The following CEMIP2 variants were observed in gnomAD, a reference collection of about 807,000 sequenced individuals.
CEMIP2 encodes the protein cell migration inducing hyaluronidase 2.
A neutral mutation model predicts 146.9 loss-of-function variants in CEMIP2; 79 were observed. That is an observed-to-expected ratio of 0.54 (90% confidence interval 0.45 to 0.65). The LOEUF (loss-of-function observed/expected upper bound fraction) is 0.65, where lower values mean the gene tolerates loss of function less well. Ranked by LOEUF, CEMIP2 falls within the 30% of genes least tolerant of loss-of-function variation. CEMIP2 has a pLI of 0.00. For missense variants in CEMIP2, 1,596 were observed against 1,696.2 expected, an observed-to-expected ratio of 0.94 and a Z score of 1.04; for synonymous variants, 601 against 606.3, an observed-to-expected ratio of 0.99 and a Z score of 0.13.
Position 71,750,108 on chromosome 9 carries a change from G to A in CEMIP2, c.266C>T (p.Thr89Ile), listed in dbSNP as rs1209668488. ...HKNTFICFAITSFSFFIALAI... is the reference protein window; with the variant it reads ...HKNTFICFAIISFSFFIALAI... ...AAGTGCAATAAAAAATGAGAAACTAGTAATAGCAAAACAAATGAAAGTATT... is the reference window on the plus strand; with the variant it reads ...AAGTGCAATAAAAAATGAGAAACTAATAATAGCAAAACAAATGAAAGTATT... Residue 89 changes from threonine to isoleucine, a missense_variant, in exon 2 of 24, where the codon ACT (threonine) becomes ATT (isoleucine). Coordinates refer to ENST00000377044, the MANE Select transcript of CEMIP2 (RefSeq NM_013390.3). 1.5e-5 allele frequency: 24 copies of A among 1,613,670 alleles called. No individual in the cohort carries two copies. Among genetic ancestry groups the A allele is most frequent in the Non-Finnish European group, 1.2e-5 (14 of 1,179,914 alleles).
chr9:71,751,774 A>G (rs1447526956), intron 1 of CEMIP2, among the ~76,000 whole-genome samples: 1 of 152,210 alleles, frequency 6.6e-6, no homozygotes. Context: ...TTGCCCTAAA[A>G]GTTCCAATAG....
chr9:71,755,427 C>G (rs1358627447), intron 1 of CEMIP2, among the ~76,000 whole-genome samples: 2 of 151,322 alleles, frequency 1.3e-5, no homozygotes, highest in Non-Finnish European at 2.9e-5. Flanking sequence ...GTAGCCCTAG[C>G]TACTCCGGAG....
Position 71,741,631 on chromosome 9 carries a change from G to GTTTTTTTTTTTTTTTTT in CEMIP2, c.1035-1416_1035-1400dup, listed in dbSNP as rs11334265. ...CACCATTATTTCTTTTTCTTTTCTG[G>GTTTTTTTTTTTTTTTTT]TTTTTTTTTTTTTTTTTTTTTTTTG... On this transcript the variant is annotated intron_variant, in intron 4 of 23. Coordinates refer to ENST00000377044, the MANE Select transcript of CEMIP2 (RefSeq NM_013390.3). Among the ~76,000 whole-genome samples the GTTTTTTTTTTTTTTTTT allele has an allele frequency of 1.1e-4, 8 of 73,124 alleles. No individual in the cohort carries two copies. In the South Asian group the frequency reaches 1.6e-3, roughly 15 times the overall value. The allele number at this position is 73,124 out of a possible 152,430, so 48.0% of individuals were successfully genotyped here.
rs749016454 is a variant in CEMIP2, at chr9:71,709,280, G to A, written c.2964C>T (p.Ile988=). ...CVNVSKWNAV[I]CSGTYAQVYV... is the part of the protein sequence containing the mutation. ...CTACCTGTGCATAGGTCCCACTGCA[G>A]ATCACTGCATTCCACTTAGACACAT... The change falls in exon 17 of 24, where the codon ATC becomes ATT. Residue 988 remains isoleucine, a synonymous_variant. Transcript: ENST00000377044. The A allele has an allele frequency of 1.1e-4, 179 of 1,614,098 alleles. 1 individual carries two copies. The East Asian group carries it at 3.9e-3, about 35-fold the overall frequency.
At chr9:71,740,613 C>T (rs561247317) in intron 4 of CEMIP2, among the ~76,000 whole-genome samples, 3 of 152,232 alleles carry the variant, frequency 2.0e-5, no homozygotes, top group African/African-American at 7.2e-5. Context: ...ACAATGTTCT[C>T]AAAAATCTAA....
chr9:71,719,180 G>C (rs761359445), intron 12 of CEMIP2, among the ~76,000 whole-genome samples: 1 of 152,108 alleles, frequency 6.6e-6, no homozygotes, highest in Non-Finnish European at 1.5e-5. Flanking sequence ...AATTCAACAG[G>C]TAGAGATTTT....
At chr9:71,752,309 A>C (rs1181809933) in intron 1 of CEMIP2, among the ~76,000 whole-genome samples, 2 of 151,706 alleles carry the variant, frequency 1.3e-5, no homozygotes, top group Non-Finnish European at 2.9e-5. Context: ...AAGGAAGTTT[A>C]AACTATACAT....
intron 16 of CEMIP2, among the ~76,000 whole-genome samples, chr9:71,710,283 C>T (rs189968838): frequency 9.9e-5 from 15 of 152,242 alleles, no homozygotes; most frequent in African/African-American, 2.9e-4. Flanking sequence ...ATAATACCAA[C>T]GCTATTGAAG....
At chr9:71,718,409 G>C (rs1307197111) in intron 12 of CEMIP2, among the ~76,000 whole-genome samples, 1 of 151,762 alleles carries the variant, frequency 6.6e-6, no homozygotes, top group Non-Finnish European at 1.5e-5. Context: ...AAATCCTTAA[G>C]GTACATGTTA....
intron 10 of CEMIP2, among the ~76,000 whole-genome samples, chr9:71,726,643 T>C (rs62547013): frequency 0.07 from 10,707 of 152,152 alleles, 540 homozygotes; most frequent in South Asian, 0.19. Context: ...ATAGAGTCCA[T>C]TGGGAGGAGA....
rs117302016 is a variant in CEMIP2 at position 71,716,594 on chromosome 9, A to G, written c.2400-42T>C. The G allele has an allele frequency of 2.1e-4, 309 of 1,484,814 alleles. 1 individual carries two copies. The East Asian group carries it at 6.3e-3, about 30-fold the overall frequency. The allele number at this position is 1,484,814 out of a possible 1,614,324, so 92.0% of individuals were successfully genotyped here. ...AATGAAGAACATTTTAATTTACCAT[A>G]TTATGTAAAAAGAGGTAATTCTCTC... On this transcript the variant is annotated intron_variant, in intron 13 of 23. Transcript: ENST00000377044.
intron 20 of CEMIP2, 185 bp downstream of exon 20, chr9:71,697,800 T>C: frequency 3.5e-6 from 2 of 577,600 alleles, no homozygotes; most frequent in Non-Finnish European, 6.1e-6. Flanking sequence ...CAAGTATCTC[T>C]GTCATAAATT....
At chr9:71,735,044 T>C (rs1395698942) in intron 5 of CEMIP2, 50 bp from the exon 6 acceptor site, 17 of 1,538,208 alleles carry the variant, frequency 1.1e-5, no homozygotes, top group African/African-American at 2.8e-5. Context: ...TTAACAGTAT[T>C]TTTTTCTCTC....
chr9:71,760,698 A>T (rs181367065), intron 1 of CEMIP2, among the ~76,000 whole-genome samples: 9,560 of 144,256 alleles, frequency 0.066, 684 homozygotes, highest in South Asian at 0.18. Flanking sequence ...GAGGAAGGGT[A>T]GCAATTAAGA....
chr9:71,766,599 C>A (rs1193665238), intron 1 of CEMIP2, among the ~76,000 whole-genome samples: 3 of 152,196 alleles, frequency 2.0e-5, no homozygotes, highest in Non-Finnish European at 4.4e-5. Flanking sequence ...ATGAATCTGA[C>A]ATTTCTGAAA....
At chr9:71,691,344 G>C (rs1822220129) in intron 21 of CEMIP2, among the ~76,000 whole-genome samples, 1 of 151,516 alleles carries the variant, frequency 6.6e-6, no homozygotes, top group Non-Finnish European at 1.5e-5. Context: ...TTTGAACCCA[G>C]GAGGTGGAGG....
Position 71,690,212 on chromosome 9 carries a change from C to G in CEMIP2, c.3731G>C (p.Gly1244Ala). The change falls in exon 22 of 24, where the codon GGC becomes GCC. Residue 1244 changes from glycine (G) to alanine (A), a missense_variant. Transcript: ENST00000377044. ...CGGATCCACAACAAGGAGGAGGACG[C>G]CTGCACTTCGGAAGGTAAAGTCAGT... ...NGTDFTFRSA[G>A]VLLLVVDPCS... 6.2e-7 allele frequency: 1 copy of G among 1,614,120 alleles called. No individual in the cohort carries two copies.
rs1228773312 is a variant in CEMIP2 at position 71,704,618 on chromosome 9, A to G, written c.3171T>C (p.Phe1057=). 1 of 1,614,218 alleles carries G rather than the reference A, an allele frequency of 6.2e-7. No individual in the cohort carries two copies. Among genetic ancestry groups the G allele is most frequent in the East Asian group, 2.2e-5 (1 of 44,886 alleles). The change falls in exon 18 of 24, where the codon TTT becomes TTC. Residue 1057 remains phenylalanine, a synonymous_variant. Transcript: ENST00000377044. ...HWNGPAPRTT[F]LYLVNFNKND... ...ACTTGTTGAAGTTGACGAGGTATAG[A>G]AATGTAGTCCGTGGTGCCGGCCCAT...
chr9:71,739,742 T>C (rs1379553158), intron 5 of CEMIP2, among the ~76,000 whole-genome samples: 1 of 152,092 alleles, frequency 6.6e-6, no homozygotes, highest in Non-Finnish European at 1.5e-5. Context: ...CACAAATTCA[T>C]AAACTTTCTT....
Sources: gnomAD v4.1 joint callset for allele counts (sites outside exome capture counted in the v4.1 genomes callset) on GRCh38, gnomAD v4.1.1 for gene constraint, MANE v1.5 for transcripts, NCBI Gene and HGNC (gene_info 2026-07-23, HGNC 2026-07-21) for gene names.